SLC17A5: variants seen among roughly 807,000 people sequenced by gnomAD.
SLC17A5 encodes the protein sialin.
A neutral mutation model predicts 59.4 loss-of-function variants in SLC17A5; 47 were observed. The observed-to-expected ratio is 0.79, with a 90% CI of 0.63 to 1.01. The LOEUF (loss-of-function observed/expected upper bound fraction) is 1.01. SLC17A5 is among the 50% of genes least tolerant of loss of function. The probability of loss-of-function intolerance (pLI) is 0.00; values close to 1 mark genes in which losing one functional copy is unlikely to be tolerated. For missense variants in SLC17A5, 522 were observed against 595.5 expected, an observed-to-expected ratio of 0.88 and a Z score of 1.28; for synonymous variants, 202 against 210.7, an observed-to-expected ratio of 0.96 and a Z score of 0.36.
intron 10 of SLC17A5, among the ~76,000 whole-genome samples, chr6:73,598,246 T>C (rs1026703518): frequency 6.6e-6 from 1 of 152,232 alleles, no homozygotes; most frequent in Admixed American, 6.5e-5. Context: ...TATAACAACA[T>C]TGAACCTCAG....
At chr6:73,639,844 G>C (rs948778761) in intron 3 of SLC17A5, among the ~76,000 whole-genome samples, 1 of 152,108 alleles carries the variant, frequency 6.6e-6, no homozygotes. Flanking sequence ...CCAGAAGTTC[G>C]AGACCAGCCT....
At chr6:73,616,229 G>T (rs1472288871) in intron 7 of SLC17A5, among the ~76,000 whole-genome samples, 1 of 151,966 alleles carries the variant, frequency 6.6e-6, no homozygotes, top group African/African-American at 2.4e-5. Flanking sequence ...ATAGAACTTT[G>T]CCAGCCTTGC....
At chr6:73,625,907 G>A (rs924252328) in intron 6 of SLC17A5, among the ~76,000 whole-genome samples, 3 of 152,308 alleles carry the variant, frequency 2.0e-5, no homozygotes, top group African/African-American at 4.8e-5. Context: ...ACCCACTGCT[G>A]TAGAGATCAG....
chr6:73,653,341 C>T, intron 1 of SLC17A5: 1 of 985,484 alleles, frequency 1.0e-6, no homozygotes, highest in South Asian at 4.7e-5. Context: ...GCCTACTGAT[C>T]TGCAGGTTTC....
chr6:73,632,434 CTTTTTTT>C (rs1163170650), intron 6 of SLC17A5, among the ~76,000 whole-genome samples: 1,043 of 86,776 alleles, frequency 0.012, 13 homozygotes, highest in Non-Finnish European at 0.018. Flanking sequence ...GTAGAGAAAG[CTTTTTTT>C]TTTTTTTTTT....
intron 6 of SLC17A5, 142 bp from the exon 7 acceptor site, chr6:73,622,104 G>A: frequency 1.4e-6 from 1 of 723,240 alleles, no homozygotes; most frequent in Non-Finnish European, 2.3e-6. Context: ...CAACTCCTTT[G>A]AAATATTAAA....
intron 7 of SLC17A5, among the ~76,000 whole-genome samples, chr6:73,620,829 C>A (rs1768107324): frequency 6.6e-6 from 1 of 151,576 alleles, no homozygotes; most frequent in Admixed American, 6.6e-5. Flanking sequence ...TCAAGAGATT[C>A]TCGTGCCTCA....
intron 7 of SLC17A5, among the ~76,000 whole-genome samples, chr6:73,621,046 C>A (rs1226667720): frequency 6.6e-6 from 1 of 151,002 alleles, no homozygotes; most frequent in Non-Finnish European, 1.5e-5. Context: ...ACTCTTGTTG[C>A]CCAGGCTGGA....
chr6:73,625,936 T>C (rs1212027996), intron 6 of SLC17A5, among the ~76,000 whole-genome samples: 1 of 152,184 alleles, frequency 6.6e-6, no homozygotes, highest in Non-Finnish European at 1.5e-5. Context: ...AAGTCTGCCC[T>C]TATCCTTCTT....
intron 9 of SLC17A5, among the ~76,000 whole-genome samples, chr6:73,604,518 A>C (rs1008437702): frequency 1.3e-5 from 2 of 152,112 alleles, no homozygotes; most frequent in Middle Eastern, 3.4e-3. Flanking sequence ...CTGAGGTGGG[A>C]GAATTGCTTG....
chr6:73,636,638 T>C lies in SLC17A5; in HGVS notation c.683A>G (p.Tyr228Cys). ...GIICYYMNWTYVFYFFGTIGI... is the reference protein window; with the variant it reads ...GIICYYMNWTCVFYFFGTIGI... ...AAACTTACCAAAAAAGTAGAAGACATAAGTCCAATTCATATAGTAGCAAAT... is the reference window on the plus strand; with the variant it reads ...AAACTTACCAAAAAAGTAGAAGACACAAGTCCAATTCATATAGTAGCAAAT... Residue 228 changes from tyrosine to cysteine, a missense_variant, in exon 5 of 11, where the codon TAT (tyrosine) becomes TGT (cysteine). Around this residue, in one of 3 missense-constraint regions of SLC17A5, gnomAD observed 338 missense variants for 363.8 expected, o/e 0.93. Coordinates refer to ENST00000355773, the MANE Select transcript of SLC17A5 (RefSeq NM_012434.5). The C allele has an allele frequency of 1.2e-6, 2 of 1,600,782 alleles. No individual in the cohort carries two copies. Among genetic ancestry groups the C allele is most frequent in the Middle Eastern group, 1.7e-4 (1 of 6,036 alleles).
intron 7 of SLC17A5, among the ~76,000 whole-genome samples, chr6:73,620,696 G>A (rs1768098265): frequency 1.3e-5 from 2 of 151,966 alleles, no homozygotes; most frequent in South Asian, 4.1e-4. Flanking sequence ...TGTAGCCAGT[G>A]CAGTTGTGCA....
intron 6 of SLC17A5, among the ~76,000 whole-genome samples, chr6:73,622,298 C>CTT (rs1189610313): frequency 3.4e-5 from 4 of 116,736 alleles, no homozygotes; most frequent in Admixed American, 9.5e-5. Context: ...TTCTTTCTTT[C>CTT]TTTTTTTTTT....
At chr6:73,633,784 G>A (rs1768873515) in intron 6 of SLC17A5, among the ~76,000 whole-genome samples, 1 of 151,892 alleles carries the variant, frequency 6.6e-6, no homozygotes, top group South Asian at 2.1e-4. Context: ...GGAGGCTGAG[G>A]CAGGAGAATT....
intron 6 of SLC17A5, among the ~76,000 whole-genome samples, chr6:73,632,132 C>A (rs916717906): frequency 1.3e-5 from 2 of 150,170 alleles, no homozygotes; most frequent in African/African-American, 5.0e-5. Context: ...AGCGAGACTC[C>A]GTCTCTACAA....
intron 5 of SLC17A5, among the ~76,000 whole-genome samples, chr6:73,636,283 G>GAAAAAAAAA (rs58330140): frequency 1.0e-5 from 1 of 95,604 alleles, no homozygotes; most frequent in Non-Finnish European, 2.2e-5. Flanking sequence ...TAAGTAAAAA[G>GAAAAAAAAA]AAAAAAAAAA....
intron 9 of SLC17A5, among the ~76,000 whole-genome samples, chr6:73,607,224 A>G (rs1581960270): frequency 6.6e-6 from 1 of 151,960 alleles, no homozygotes; most frequent in Non-Finnish European, 1.5e-5. Flanking sequence ...GGTAGGTACC[A>G]TGGATATTTG....
At chr6:73,601,475 C>A (rs1475605710) in intron 9 of SLC17A5, among the ~76,000 whole-genome samples, 1 of 134,140 alleles carries the variant, frequency 7.5e-6, no homozygotes, top group Non-Finnish European at 1.6e-5. Flanking sequence ...GGGTCAGCAC[C>A]CCGCCTGGCC....
chr6:73,615,467 A>G lies in SLC17A5; in HGVS notation c.979-20T>C. 1.9e-6 allele frequency: 3 copies of G among 1,613,442 alleles called. No individual in the cohort carries two copies. Among genetic ancestry groups the G allele is most frequent in the Non-Finnish European group, 2.5e-6 (3 of 1,179,702 alleles). The stretch of plus-strand genomic sequence containing the variant: ...CCCATTCTGGAAGGAATAAGAAGAT[A>G]CAGGATTAATTACGGTGAGAGAAAA... On this transcript the variant is annotated intron_variant, in intron 7 of 10. Transcript: ENST00000355773.
Sources: allele counts gnomAD v4.1 joint callset (sites outside exome capture counted in the v4.1 genomes callset), GRCh38; gene constraint gnomAD v4.1.1; regional missense constraint gnomAD v4.1.1; transcripts MANE v1.5; gene names NCBI Gene and HGNC (gene_info 2026-07-23, HGNC 2026-07-21).